KCNQ2: variants seen among roughly 807,000 people sequenced by gnomAD.
The protein encoded by KCNQ2 is potassium voltage-gated channel subfamily Q member 2.
In KCNQ2, 14 loss-of-function variants were observed where a neutral mutation model predicts 84.8. The observed-to-expected ratio is 0.17, with a 90% CI of 0.11 to 0.26. KCNQ2 has a LOEUF of 0.26. Ranked by LOEUF, KCNQ2 falls within the 10% of genes least tolerant of loss-of-function variation. The pLI is 1.00. For synonymous variants in KCNQ2, 599 were observed against 554.1 expected (o/e 1.08, Z -1.14); for missense variants, 788 against 1,254.0 (o/e 0.63, Z 5.61).
At position 63,414,563 on chromosome 20, in the gene KCNQ2, C is replaced by T. The variant is rs1330606946; in HGVS notation, c.1525+340G>A. On this transcript the variant is annotated intron_variant, in intron 13 of 16. Coordinates refer to ENST00000359125, the MANE Select transcript of KCNQ2 (RefSeq NM_172107.4). This position sits in a 1 kb window ranked among gnomAD's most constrained non-coding sequence, Gnocchi z 6.6. Reference sequence around the variant, plus strand: ...CGGCCCCACGTGGGAGCCGCAGACACGCACGGCCCAAGAGCAGCGGGTGCT... The same window carrying T: ...CGGCCCCACGTGGGAGCCGCAGACATGCACGGCCCAAGAGCAGCGGGTGCT... Among the ~76,000 whole-genome samples, 7 of 152,052 alleles carry T rather than the reference C, an allele frequency of 4.6e-5. No individual in the cohort carries two copies. The highest frequency in any genetic ancestry group is 4.2e-4 in the South Asian group (2 of 4,800).
chr20:63,466,455 G>A (rs896034480), intron 1 of KCNQ2: 14 of 152,288 alleles, frequency 9.2e-5, no homozygotes, highest in African/African-American at 3.1e-4. Context: ...GAATCGGCCG[G>A]AGGGGCAGAG....
chr20:63,460,595 C>A lies in KCNQ2; in HGVS notation c.296+11573G>T, dbSNP rs1201693138. ...TCTCTCGGCCTCCACTTGCACACCT[C>A]CGGCGACGGAGGGCTCACCCCACAG... On this transcript the variant is annotated intron_variant, in intron 1 of 16. Coordinates refer to ENST00000359125, the MANE Select transcript of KCNQ2 (RefSeq NM_172107.4). The surrounding 1 kb of genome is among the most constrained non-coding windows in gnomAD (Gnocchi z 5.4). Among the ~76,000 whole-genome samples, 1 of 152,198 alleles carries A rather than the reference C, an allele frequency of 6.6e-6. No homozygotes were observed. The highest frequency in any genetic ancestry group is 2.4e-5 in the African/African-American group (1 of 41,440).
rs1333247951 is a variant in KCNQ2, at chr20:63,407,060, C to T, written c.2203G>A (p.Asp735Asn). Reference sequence around the variant, plus strand: ...GGGATGCGCACCAGGGAGCCGTGGTCCCCCACGGGGGAGGTGCCGTGGCCC... The same window carrying T: ...GGGATGCGCACCAGGGAGCCGTGGTTCCCCACGGGGGAGGTGCCGTGGCCC... ...RQGHGTSPVG[D>N]HGSLVRIPPP... Residue 735 changes from aspartate to asparagine, a missense_variant, in exon 17 of 17, where the codon GAC (aspartate) becomes AAC (asparagine). Coordinates refer to ENST00000359125, the MANE Select transcript of KCNQ2 (RefSeq NM_172107.4). The surrounding 1 kb of genome is among the most constrained non-coding windows in gnomAD (Gnocchi z 7.2). The T allele has an allele frequency of 6.6e-7, 1 of 1,521,410 alleles. No individual in the cohort carries two copies. The allele number at this position is 1,521,410 out of a possible 1,614,324, so 94.2% of individuals were successfully genotyped here. A position where few individuals can be genotyped will look rare whatever the true frequency, so the allele number is the denominator to read the frequency against.
In KCNQ2 at chr20:63,407,363, C is replaced by G. The variant is rs1489310306; in HGVS notation, c.1900G>C (p.Glu634Gln). The change falls in exon 17 of 17, where the codon GAG (glutamate) becomes CAG (glutamine). Residue 634 changes from glutamate to glutamine, a missense_variant. Coordinates refer to ENST00000359125, the MANE Select transcript of KCNQ2 (RefSeq NM_172107.4). This position sits in a 1 kb window ranked among gnomAD's most constrained non-coding sequence, Gnocchi z 7.2. ...GKVEKQVLSM[E>Q]KKLDFLVNIY... ...TTCACCAGGAAGTCCAGCTTCTTCT[C>G]CATGGACAAGACCTGCAAAAGGGGC... 3 of 1,597,714 alleles carry G rather than the reference C, an allele frequency of 1.9e-6. No homozygotes were observed. The highest frequency in any genetic ancestry group is 1.7e-6 in the Non-Finnish European group (2 of 1,179,554).
At chr20:63,415,165 G>T in intron 12 of KCNQ2, 39 bp from the exon 13 acceptor site, 1 of 636,164 alleles carries the variant, frequency 1.6e-6, no homozygotes, top group Non-Finnish European at 2.4e-6. Context: ...AGAAAAACAG[G>T]GAGAGAAGTC....
chr20:63,454,602 A>C (rs954783544), intron 1 of KCNQ2, among the ~76,000 whole-genome samples: 1 of 152,248 alleles, frequency 6.6e-6, no homozygotes, highest in African/African-American at 2.4e-5. Context: ...TGGGGAAGAC[A>C]CAGGGGCTTC....
Position 63,430,416 on chromosome 20 carries a change from T to TTC in KCNQ2, c.1148+923_1148+924insGA, listed in dbSNP as rs532951589. On this transcript the variant is annotated intron_variant, in intron 9 of 16. Coordinates refer to ENST00000359125, the MANE Select transcript of KCNQ2 (RefSeq NM_172107.4). ...ACTGCACCCACTTCCTTTCTGGGAA[T>TTC]GGAGAGTCAACATTCTAACAGTTCC... Among the ~76,000 whole-genome samples the TTC allele has an allele frequency of 3.9e-3, 597 of 152,212 alleles. 7 individuals carry two copies. Among genetic ancestry groups the TTC allele is most frequent in the African/African-American group, 0.014 (572 of 41,536 alleles).
intron 10 of KCNQ2, among the ~76,000 whole-genome samples, chr20:63,427,783 A>G (rs964724868): frequency 2.6e-5 from 4 of 152,232 alleles, no homozygotes; most frequent in Non-Finnish European, 5.9e-5. Flanking sequence ...CCAGAGCAGA[A>G]GAGTGTCTCT....
chr20:63,402,543 G>C lies in KCNQ2; in HGVS notation c.*4101C>G, dbSNP rs1222660166. On this transcript the variant is annotated 3_prime_UTR_variant, in exon 17 of 17. Transcript: ENST00000359125. ...GACTGTGGGGGACCGAGCCCAGCTGGAGTCCTCCTCCCCTTCTCTCCGGCA... is the reference window on the plus strand; with the variant it reads ...GACTGTGGGGGACCGAGCCCAGCTGCAGTCCTCCTCCCCTTCTCTCCGGCA... 1 of 152,478 alleles carries C rather than the reference G, an allele frequency of 6.6e-6. No individual in the cohort carries two copies. The highest frequency in any genetic ancestry group is 1.5e-5 in the Non-Finnish European group (1 of 68,252). 9.4% of individuals were successfully genotyped at this position (152,478 alleles called of 1,614,324 possible). A position where few individuals can be genotyped will look rare whatever the true frequency, so the allele number is the denominator to read the frequency against.
In KCNQ2 at chr20:63,432,331, G is replaced by C. The variant is rs945990647; in HGVS notation, c.1119-962C>G. Reference sequence around the variant, plus strand: ...AGAGAAGGCTCCACCCTCTGGGAAGGCTCCACCCTCAGGGAAGGATCCACC... The same window carrying C: ...AGAGAAGGCTCCACCCTCTGGGAAGCCTCCACCCTCAGGGAAGGATCCACC... On this transcript the variant is annotated intron_variant, in intron 8 of 16. Coordinates refer to ENST00000359125, the MANE Select transcript of KCNQ2 (RefSeq NM_172107.4). 4.9e-5 allele frequency among the ~76,000 whole-genome samples: 7 copies of C among 143,350 alleles called. No individual in the cohort carries two copies. In the South Asian group the frequency reaches 9.0e-4, roughly 18 times the overall value. The allele number at this position is 143,350 out of a possible 152,430, so 94.0% of individuals were successfully genotyped here.
Position 63,407,152 on chromosome 20 carries a change from G to T in KCNQ2, c.2111C>A (p.Pro704His). ...ACACTGGACAGGGGGCGCGGCCGGG[G>T]GCGCCGAGAAGTTCTTCTGGCCCGT... is the stretch of plus-strand genomic sequence containing the variant. Reference protein sequence around the residue: ...SSTGQKNFSAPPAAPPVQCPP... With the variant: ...SSTGQKNFSAHPAAPPVQCPP... Residue 704 changes from proline to histidine, a missense_variant, in exon 17 of 17, where the codon CCC becomes CAC. Pro to His is a moderately conservative substitution (Grantham distance 77, BLOSUM62 -2). This residue lies in a region of KCNQ2 where 378 missense variants were observed against 434.5 expected (regional missense o/e 0.87). Coordinates refer to ENST00000359125, the MANE Select transcript of KCNQ2 (RefSeq NM_172107.4). The surrounding 1 kb of genome is among the most constrained non-coding windows in gnomAD (Gnocchi z 7.2). 6.3e-7 allele frequency: 1 copy of T among 1,585,776 alleles called. No individual in the cohort carries two copies. Among genetic ancestry groups the T allele is most frequent in the Non-Finnish European group, 8.5e-7 (1 of 1,169,594 alleles).
At chr20:63,455,900 G>A (rs1187077835) in intron 1 of KCNQ2, among the ~76,000 whole-genome samples, 3 of 85,978 alleles carry the variant, frequency 3.5e-5, no homozygotes, top group East Asian at 3.4e-4. Flanking sequence ...CTGTGCTCAC[G>A]GGCCCCCCAC....
Position 63,425,597 on chromosome 20 carries a change from G to A in KCNQ2, c.1218-1391C>T, listed in dbSNP as rs180716861. Among the ~76,000 whole-genome samples the A allele has an allele frequency of 7.5e-4, 114 of 152,272 alleles. 1 individual carries two copies. Among genetic ancestry groups the A allele is most frequent in the Admixed American group, 6.3e-3 (96 of 15,302 alleles). ...TAGCCGGGTGTGGTGGCAGGTGCCT[G>A]TAATCCCAGGTACTCGGGAGGTTGA... is the stretch of plus-strand genomic sequence containing the variant. On this transcript the variant is annotated intron_variant, in intron 10 of 16. Transcript: ENST00000359125. The surrounding 1 kb of genome is among the most constrained non-coding windows in gnomAD (Gnocchi z 5.5).
chr20:63,436,890 C>A (rs1262508108), intron 7 of KCNQ2, among the ~76,000 whole-genome samples: 1 of 151,074 alleles, frequency 6.6e-6, no homozygotes. Flanking sequence ...GATTCTCCTG[C>A]CTCAGCCTCC....
At chr20:63,445,172 C>A (rs1032420579) in intron 3 of KCNQ2, 66 bp downstream of exon 3, 29 of 1,610,696 alleles carry the variant, frequency 1.8e-5, no homozygotes, top group South Asian at 6.6e-5. Context: ...CAGCTCCCCC[C>A]AGGGCTGAGT....
At chr20:63,419,282 G>C (rs1021072948) in intron 12 of KCNQ2, among the ~76,000 whole-genome samples, 10 of 152,224 alleles carry the variant, frequency 6.6e-5, no homozygotes, top group Non-Finnish European at 1.2e-4. Context: ...AGAGGTGCTA[G>C]AGTGACAGCC....
intron 15 of KCNQ2, chr20:63,412,394 C>CCG (rs1163575294): frequency 5.9e-6 from 1 of 168,714 alleles, no homozygotes; most frequent in African/African-American, 2.4e-5. Context: ...GGAGGGCGTT[C>CCG]CGCACACACA....
intron 4 of KCNQ2, among the ~76,000 whole-genome samples, chr20:63,442,827 CCAT>C (rs201284778): frequency 5.5e-4 from 27 of 49,520 alleles, no homozygotes; most frequent in African/African-American, 1.5e-3. Context: ...ATCACCATCA[CCAT>C]CACCACCACC....
Position 63,414,118 on chromosome 20 carries a change from G to A in KCNQ2, c.1601C>T (p.Pro534Leu), listed in dbSNP as rs867704040. The stretch of plus-strand genomic sequence containing the variant: ...GGCTCTGATGCTGACTTTGAGGCCC[G>A]GGGTCAGGTCCTCGGTCACAAACTC... The part of the protein sequence containing the change: ...PCEFVTEDLT[P>L]GLKVSIRAVC... Residue 534 changes from proline (P) to leucine (L), a missense_variant, in exon 14 of 17, where the codon CCG (proline) becomes CTG (leucine). By Grantham distance (98) the Pro-to-Leu change is moderately conservative. This residue lies in a region of KCNQ2 where 202 missense variants were observed against 239.4 expected (regional missense o/e 0.84). Transcript: ENST00000359125. The surrounding 1 kb of genome is among the most constrained non-coding windows in gnomAD (Gnocchi z 6.6). 14 of 1,613,572 alleles carry A rather than the reference G, an allele frequency of 8.7e-6. No individual in the cohort carries two copies. Among genetic ancestry groups the A allele is most frequent in the South Asian group, 2.2e-5 (2 of 91,080 alleles).
Sources: allele counts gnomAD v4.1 joint callset (sites outside exome capture counted in the v4.1 genomes callset), GRCh38; gene constraint gnomAD v4.1.1; regional missense constraint gnomAD v4.1.1; non-coding constraint Gnocchi (gnomAD v3.1); transcripts MANE v1.5; gene names NCBI Gene and HGNC (gene_info 2026-07-23, HGNC 2026-07-21).